Variants in HDLBP observed in about 807,000 individuals in gnomAD.
HDLBP encodes the protein high density lipoprotein binding protein, also known as vigilin.
In HDLBP, 30 loss-of-function variants were observed where a neutral mutation model predicts 137.3. The ratio of observed to expected loss-of-function variants is 0.22; its 90% CI spans 0.16 to 0.30. HDLBP has a LOEUF of 0.30. Ranked by LOEUF, HDLBP falls within the 10% of genes least tolerant of loss-of-function variation. The pLI, the probability that HDLBP is intolerant of heterozygous loss-of-function variation, is 1.00. For synonymous variants in HDLBP, 606 were observed against 596.0 expected (o/e 1.02, Z -0.24); for missense variants, 1,119 against 1,667.3 (o/e 0.67, Z 5.73).
At chr2:241,284,718 ATTG>A (rs1350292106) in intron 1 of HDLBP, among the ~76,000 whole-genome samples, 6 of 152,210 alleles carry the variant, frequency 3.9e-5, no homozygotes, top group African/African-American at 9.6e-5. Context: ...AGTAAACTTC[ATTG>A]TTGTCTGATT....
At chr2:241,279,434 A>G (rs1435993157) in intron 1 of HDLBP, among the ~76,000 whole-genome samples, 1 of 152,246 alleles carries the variant, frequency 6.6e-6, no homozygotes, top group Admixed American at 6.5e-5. Flanking sequence ...GACCAAGAAC[A>G]GCTAATATAA....
chr2:241,231,545 T>C (rs1476301652), intron 24 of HDLBP, among the ~76,000 whole-genome samples: 1 of 152,156 alleles, frequency 6.6e-6, no homozygotes, highest in Non-Finnish European at 1.5e-5. Flanking sequence ...AATTCTGGAC[T>C]CAAGGACAGC....
rs574841755 is a variant in HDLBP at position 241,264,577 on chromosome 2, G to A, written c.105C>T (p.Ser35=). 9.3e-6 allele frequency: 15 copies of A among 1,613,664 alleles called. No homozygotes were observed. The highest frequency in any genetic ancestry group is 2.7e-5 in the African/African-American group (2 of 74,912). The change falls in exon 4 of 28, where the codon AGC becomes AGT. Residue 35 remains serine, a synonymous_variant. Coordinates refer to ENST00000310931, the MANE Select transcript of HDLBP (RefSeq NM_005336.6). ...AGGCATCCTTGTAGGTTGGAGGGTCGCTCTCCTCTTCTGAATTTAGAGTGG... is the reference window on the plus strand; with the variant it reads ...AGGCATCCTTGTAGGTTGGAGGGTCACTCTCCTCTTCTGAATTTAGAGTGG... ...KVATLNSEEE[S]DPPTYKDAFP...
chr2:241,252,313 C>T (rs1386267708), intron 11 of HDLBP, among the ~76,000 whole-genome samples: 1 of 152,138 alleles, frequency 6.6e-6, no homozygotes, highest in Non-Finnish European at 1.5e-5. Flanking sequence ...ACAAGCCTGG[C>T]CAACATGGTG....
chr2:241,248,311 C>T lies in HDLBP; in HGVS notation c.1550G>A (p.Arg517Lys). Residue 517 changes from arginine (R) to lysine (K), a missense_variant, in exon 13 of 28, where the codon AGA becomes AAA. Around this residue, in one of 4 missense-constraint regions of HDLBP, gnomAD observed 425 missense variants for 693.9 expected, o/e 0.61. Transcript: ENST00000310931. ...CTGCCCAATGATTGTGCGATGAAAT[C>T]TTTGCTCAATGATTAGATCCTTGGT... ...ERTKDLIIEQ[R>K]FHRTIIGQKG... 1 of 1,614,084 alleles carries T rather than the reference C, an allele frequency of 6.2e-7. No homozygotes were observed. Among genetic ancestry groups the T allele is most frequent in the Non-Finnish European group, 8.5e-7 (1 of 1,179,930 alleles).
intron 1 of HDLBP, among the ~76,000 whole-genome samples, chr2:241,300,152 G>A (rs2075341384): frequency 6.6e-6 from 1 of 151,970 alleles, no homozygotes; most frequent in South Asian, 2.1e-4. Flanking sequence ...GCACAACCTA[G>A]ATATGCACAG....
chr2:241,301,718 T>A (rs1350667651), intron 1 of HDLBP, among the ~76,000 whole-genome samples: 3 of 152,204 alleles, frequency 2.0e-5, no homozygotes, highest in South Asian at 4.2e-4. Context: ...TGTCGAATGG[T>A]TACAGCAGAC....
Position 241,235,547 on chromosome 2 carries a change from G to A in HDLBP, c.2952C>T (p.His984=). The A allele has an allele frequency of 1.9e-6, 3 of 1,614,128 alleles. No individual in the cohort carries two copies. Among genetic ancestry groups the A allele is most frequent in the Non-Finnish European group, 2.5e-6 (3 of 1,179,998 alleles). ...TTCCTTTCTGCCCAATAACGTAACG[G>A]TGAAGGTCAAAGGGCACCTCTACTT... ...TIEVEVPFDL[H]RYVIGQKGSG... The change falls in exon 22 of 28, where the codon CAC becomes CAT. Residue 984 remains histidine (H), a synonymous_variant. Transcript: ENST00000310931.
rs1326495819 is a variant in HDLBP, at chr2:241,272,934, C to CGGGCCGCT, written c.-102-4394_-102-4393insAGCGGCCC. ...CCCGCCGCTGGGGTCCCCGCCGCCCCGGGCCGCCCAGCACCCGGGAGGCCC... is the reference window on the plus strand; with the variant it reads ...CCCGCCGCTGGGGTCCCCGCCGCCCCGGGCCGCTGGGCCGCCCAGCACCCGGGAGGCCC... On this transcript the variant is annotated intron_variant, in intron 1 of 27. Coordinates refer to ENST00000310931, the MANE Select transcript of HDLBP (RefSeq NM_005336.6). The surrounding 1 kb of genome is among the most constrained non-coding windows in gnomAD (Gnocchi z 5.6). The CGGGCCGCT allele has an allele frequency of 1.2e-6, 1 of 839,884 alleles. No homozygotes were observed. The highest frequency in any genetic ancestry group is 6.2e-5 in the Admixed American group (1 of 16,050). 52.0% of individuals were successfully genotyped at this position (839,884 alleles called of 1,614,324 possible).
intron 1 of HDLBP, among the ~76,000 whole-genome samples, chr2:241,279,351 TTATA>T (rs1338515894): frequency 6.6e-5 from 10 of 152,336 alleles, no homozygotes; most frequent in African/African-American, 2.2e-4. Flanking sequence ...AAAAAATTAT[TTATA>T]TACACCATTT....
Position 241,230,349 on chromosome 2 carries a change from G to T in HDLBP, c.3475-80C>A. On this transcript the variant is annotated intron_variant, in intron 25 of 27. Transcript: ENST00000310931. The surrounding 1 kb of genome is among the most constrained non-coding windows in gnomAD (Gnocchi z 5.0). ...AAATTATGTGTCAATTTCTAGTGAAGCATTTTCTGAGTTAGCAAACGTTTT... is the reference window on the plus strand; with the variant it reads ...AAATTATGTGTCAATTTCTAGTGAATCATTTTCTGAGTTAGCAAACGTTTT... 2 of 913,506 alleles carry T rather than the reference G, an allele frequency of 2.2e-6. No individual in the cohort carries two copies. Among genetic ancestry groups the T allele is most frequent in the East Asian group, 2.4e-5 (1 of 40,926 alleles). The allele number at this position is 913,506 out of a possible 1,614,324, so 56.6% of individuals were successfully genotyped here.
chr2:241,270,328 GACTGGTTTGACAGGCTAT>G (rs1476911849), intron 1 of HDLBP, among the ~76,000 whole-genome samples: 1 of 152,180 alleles, frequency 6.6e-6, no homozygotes. Flanking sequence ...GAAAACTCCA[GACTGGTTTGACAGGCTAT>G]ACTGGGTCCC....
At chr2:241,290,311 A>G (rs763777254) in intron 1 of HDLBP, among the ~76,000 whole-genome samples, 7 of 152,150 alleles carry the variant, frequency 4.6e-5, no homozygotes, top group Non-Finnish European at 5.9e-5. Context: ...CTGTTTTAGA[A>G]CCATAAACAT....
In HDLBP at chr2:241,272,909, C is replaced by A; in HGVS notation, c.-102-4368G>T. 1.6e-6 allele frequency: 1 copy of A among 636,670 alleles called. No individual in the cohort carries two copies. The highest frequency in any genetic ancestry group is 2.0e-6 in the Non-Finnish European group (1 of 511,322). The allele number at this position is 636,670 out of a possible 1,614,324, so 39.4% of individuals were successfully genotyped here. A position where few individuals can be genotyped will look rare whatever the true frequency, so the allele number is the denominator to read the frequency against. On this transcript the variant is annotated intron_variant, in intron 1 of 27. Transcript: ENST00000310931. This position sits in a 1 kb window ranked among gnomAD's most constrained non-coding sequence, Gnocchi z 5.6. ...CCTGGACACGTCAGCGCCCGCCCGC[C>A]CCGCCGCTGGGGTCCCCGCCGCCCC...
intron 5 of HDLBP, among the ~76,000 whole-genome samples, chr2:241,257,431 C>T (rs1010315597): frequency 5.3e-5 from 8 of 152,202 alleles, no homozygotes; most frequent in Non-Finnish European, 1.2e-4. Flanking sequence ...CAGGGTTTCA[C>T]CATGTTGGCC....
At chr2:241,241,066 A>G (rs2071164680) in intron 17 of HDLBP, among the ~76,000 whole-genome samples, 1 of 152,188 alleles carries the variant, frequency 6.6e-6, no homozygotes, top group Non-Finnish European at 1.5e-5. Context: ...TAGGCAATCA[A>G]TTAGGCAAAT....
intron 5 of HDLBP, among the ~76,000 whole-genome samples, chr2:241,259,519 G>GACAGGCTGTC (rs144426547): frequency 6.6e-6 from 1 of 151,792 alleles, no homozygotes; most frequent in Non-Finnish European, 1.5e-5. Context: ...CCTTTTCTGG[G>GACAGGCTGTC]ACTCTGTCAC....
rs2074206689 is a variant in HDLBP, at chr2:241,272,760, CT to C, written c.-102-4220del. 3.0e-6 allele frequency: 1 copy of C among 329,240 alleles called. No homozygotes were observed. Among genetic ancestry groups the C allele is most frequent in the South Asian group, 1.2e-4 (1 of 8,392 alleles). The allele number at this position is 329,240 out of a possible 1,614,324, so 20.4% of individuals were successfully genotyped here. A position where few individuals can be genotyped will look rare whatever the true frequency, so the allele number is the denominator to read the frequency against. ...CTCCCAGCCCCGTGTTGCGCGCTCACTCGTGGGCCCCCGCCCGCTGGTCCTG... is the reference window on the plus strand; with the variant it reads ...CTCCCAGCCCCGTGTTGCGCGCTCACCGTGGGCCCCCGCCCGCTGGTCCTG... On this transcript the variant is annotated intron_variant, in intron 1 of 27. Transcript: ENST00000310931. The surrounding 1 kb of genome is among the most constrained non-coding windows in gnomAD (Gnocchi z 5.6).
chr2:241,276,615 A>G (rs916471469), intron 1 of HDLBP, among the ~76,000 whole-genome samples: 7 of 152,180 alleles, frequency 4.6e-5, no homozygotes, highest in African/African-American at 1.7e-4. Flanking sequence ...GCTGAAATAA[A>G]GAGATGGAAG....
Sources: gnomAD v4.1 joint callset for allele counts (sites outside exome capture counted in the v4.1 genomes callset) on GRCh38, gnomAD v4.1.1 for gene constraint, gnomAD v4.1.1 regional missense constraint, Gnocchi (gnomAD v3.1) non-coding constraint, MANE v1.5 for transcripts, NCBI Gene and HGNC (gene_info 2026-07-23, HGNC 2026-07-21) for gene names.